Variants in SPOCK1 observed in about 807,000 individuals in gnomAD.
The protein encoded by SPOCK1 is testican-1.
In SPOCK1, 23 loss-of-function variants were observed where a neutral mutation model predicts 55.3. That is an observed-to-expected ratio of 0.42 (90% CI 0.30 to 0.59). The LOEUF is 0.59. SPOCK1 is among the 20% of genes least tolerant of loss of function. The pLI, the probability that SPOCK1 is intolerant of heterozygous loss-of-function variation, is 0.22. For missense variants in SPOCK1, 499 were observed against 552.5 expected (o/e 0.90, Z 0.97); for synonymous variants, 226 against 221.0 (o/e 1.02, Z -0.20).
chr5:137,163,609 A>T (rs1006584714), intron 3 of SPOCK1, among the ~76,000 whole-genome samples: 1 of 152,212 alleles, frequency 6.6e-6, no homozygotes, highest in Non-Finnish European at 1.5e-5. Context: ...TTTGAAGTAG[A>T]CATCATTATC....
chr5:137,393,504 T>C (rs1751771633), intron 2 of SPOCK1, among the ~76,000 whole-genome samples: 1 of 152,206 alleles, frequency 6.6e-6, no homozygotes, highest in African/African-American at 2.4e-5. Context: ...CATAAATGCT[T>C]ATTGTTGTGT....
intron 3 of SPOCK1, among the ~76,000 whole-genome samples, chr5:137,161,405 G>C (rs1328305602): frequency 6.6e-6 from 1 of 151,960 alleles, no homozygotes; most frequent in Non-Finnish European, 1.5e-5. Flanking sequence ...TTGCCCAGGA[G>C]CCTCTAAACT....
intron 5 of SPOCK1, among the ~76,000 whole-genome samples, chr5:137,095,925 AT>A (rs1753137621): frequency 7.5e-6 from 1 of 132,962 alleles, no homozygotes; most frequent in East Asian, 2.5e-4. Flanking sequence ...AGGAACCCTC[AT>A]TCCCTCCCCA....
chr5:137,479,948 A>T (rs1456073936), intron 2 of SPOCK1, among the ~76,000 whole-genome samples: 1 of 152,180 alleles, frequency 6.6e-6, no homozygotes, highest in Non-Finnish European at 1.5e-5. Context: ...CTTGATGGTA[A>T]GCCTGGGAGG....
chr5:137,031,955 A>G (rs1300187136), intron 6 of SPOCK1, among the ~76,000 whole-genome samples: 1 of 150,098 alleles, frequency 6.7e-6, no homozygotes, highest in African/African-American at 2.4e-5. Context: ...TGTATATTAT[A>G]TATATGCATG....
At chr5:137,194,918 G>A (rs1037421002) in intron 3 of SPOCK1, among the ~76,000 whole-genome samples, 1 of 152,150 alleles carries the variant, frequency 6.6e-6, no homozygotes, top group Non-Finnish European at 1.5e-5. Flanking sequence ...AAGGACCCTG[G>A]TCCTGTCTGG....
chr5:137,159,490 G>A (rs531194816), intron 3 of SPOCK1, among the ~76,000 whole-genome samples: 26 of 54,884 alleles, frequency 4.7e-4, no homozygotes, highest in Non-Finnish European at 5.1e-4. Flanking sequence ...CCCCACCCCC[G>A]CCAGCCTCCC....
At chr5:137,037,560 T>G (rs1345737746) in intron 6 of SPOCK1, among the ~76,000 whole-genome samples, 1 of 152,160 alleles carries the variant, frequency 6.6e-6, no homozygotes, top group Non-Finnish European at 1.5e-5. Flanking sequence ...AACATCTAAG[T>G]GGTTTAGGAT....
intron 3 of SPOCK1, among the ~76,000 whole-genome samples, chr5:137,163,837 C>T (rs936129270): frequency 2.0e-5 from 3 of 152,176 alleles, no homozygotes; most frequent in Admixed American, 2.0e-4. Context: ...TGTTCCTTTA[C>T]CAAGGCACAG....
At chr5:137,151,716 C>G (rs1302389658) in intron 3 of SPOCK1, among the ~76,000 whole-genome samples, 1 of 152,196 alleles carries the variant, frequency 6.6e-6, no homozygotes, top group Non-Finnish European at 1.5e-5. Flanking sequence ...CTCAATCCCA[C>G]AGGTGAAAGG....
At chr5:137,419,048 T>G (rs1011903381) in intron 2 of SPOCK1, among the ~76,000 whole-genome samples, 1 of 152,230 alleles carries the variant, frequency 6.6e-6, no homozygotes, top group Non-Finnish European at 1.5e-5. Flanking sequence ...CACCATTTAT[T>G]AAATAGGGAA....
At chr5:137,115,972 C>T (rs1468172215) in intron 4 of SPOCK1, among the ~76,000 whole-genome samples, 2 of 152,230 alleles carry the variant, frequency 1.3e-5, no homozygotes, top group Admixed American at 1.3e-4. Context: ...ATGAAGGTAT[C>T]TTGATGGGAT....
chr5:137,091,335 G>A (rs550757448), intron 5 of SPOCK1, among the ~76,000 whole-genome samples: 20 of 152,272 alleles, frequency 1.3e-4, no homozygotes, highest in East Asian at 7.7e-4. Context: ...ACCCAAGCCA[G>A]GATAAGAAGA....
chr5:137,349,234 A>T (rs150474427), intron 2 of SPOCK1, among the ~76,000 whole-genome samples: 87 of 152,336 alleles, frequency 5.7e-4, no homozygotes, highest in African/African-American at 2.1e-3. Context: ...GATGGATATA[A>T]AAGATGTTTG....
intron 2 of SPOCK1, among the ~76,000 whole-genome samples, chr5:137,338,436 G>T (rs1345450009): frequency 6.6e-6 from 1 of 151,906 alleles, no homozygotes; most frequent in Non-Finnish European, 1.5e-5. Flanking sequence ...CATTTGGGTT[G>T]GTTCCAAGTC....
intron 4 of SPOCK1, among the ~76,000 whole-genome samples, chr5:137,117,289 T>C (rs1392363808): frequency 2.0e-5 from 3 of 152,238 alleles, no homozygotes; most frequent in African/African-American, 7.2e-5. Context: ...TGCATAACAA[T>C]GTCTATTCCT....
At chr5:137,038,748 G>A (rs1031821529) in intron 6 of SPOCK1, among the ~76,000 whole-genome samples, 8 of 152,044 alleles carry the variant, frequency 5.3e-5, no homozygotes, top group African/African-American at 1.9e-4. Context: ...CCATTACTTG[G>A]TTTTCTAAGC....
intron 3 of SPOCK1, among the ~76,000 whole-genome samples, chr5:137,166,707 T>G (rs939478740): frequency 1.5e-4 from 23 of 152,072 alleles, no homozygotes; most frequent in Non-Finnish European, 8.8e-5. Flanking sequence ...TTTGTTTTTG[T>G]TTATTTGTTT....
At chr5:137,273,177 A>G (rs1287594699) in intron 2 of SPOCK1, among the ~76,000 whole-genome samples, 1 of 152,262 alleles carries the variant, frequency 6.6e-6, no homozygotes, top group Non-Finnish European at 1.5e-5. Context: ...AAGATAAAGC[A>G]GCAAATGGAC....
Sources: allele counts gnomAD v4.1 joint callset (sites outside exome capture counted in the v4.1 genomes callset), GRCh38; gene constraint gnomAD v4.1.1; transcripts MANE v1.5; gene names NCBI Gene and HGNC (gene_info 2026-07-23, HGNC 2026-07-21).